The following SP3 variants were observed in gnomAD, a reference collection of about 807,000 sequenced individuals.
The protein encoded by SP3 is Sp3 transcription factor.
SP3 carries 10 observed loss-of-function variants against 70.3 expected under a neutral mutation model. The ratio of observed to expected loss-of-function variants is 0.14; its 90% CI spans 0.09 to 0.24. SP3 has a LOEUF of 0.24. Among genes scored for constraint, SP3 ranks in the 10% least tolerant of loss-of-function variants. SP3 has a pLI of 1.00. For missense variants in SP3, 825 were observed against 914.6 expected (o/e 0.90, Z 1.26); for synonymous variants, 402 against 333.5 (o/e 1.21, Z -2.24).
At chr2:173,934,650 G>C (rs1367770389) in intron 4 of SP3, among the ~76,000 whole-genome samples, 1 of 151,958 alleles carries the variant, frequency 6.6e-6, no homozygotes, top group East Asian at 1.9e-4. Context: ...ATTACCCAAG[G>C]CCAGGGGTTC....
intron 2 of SP3, 193 bp from the exon 3 acceptor site, chr2:173,964,076 C>A (rs1178084292): frequency 1.1e-5 from 4 of 354,772 alleles, no homozygotes; most frequent in Non-Finnish European, 2.0e-5. Context: ...GTCCCCCGCT[C>A]CAAGCACCCC....
chr2:173,918,516 A>T, intron 5 of SP3, 77 bp downstream of exon 5: 1 of 1,356,612 alleles, frequency 7.4e-7, no homozygotes, highest in Non-Finnish European at 1.0e-6. Flanking sequence ...TAATTAAATG[A>T]CATAGCATGC....
chr2:173,962,647 T>TA (rs554889189), intron 3 of SP3, among the ~76,000 whole-genome samples: 6,955 of 147,040 alleles, frequency 0.047, 214 homozygotes, highest in Admixed American at 0.11. Flanking sequence ...TGGTTTAACT[T>TA]AAAAAAAAAA....
intron 2 of SP3, 148 bp from the exon 3 acceptor site, chr2:173,964,031 C>G: frequency 2.5e-6 from 1 of 407,524 alleles, no homozygotes; most frequent in South Asian, 6.2e-5. Flanking sequence ...TCCTCCTCCT[C>G]CTCCTCCTGG....
chr2:173,964,872 C>T (rs1691241723), intron 1 of SP3: 3 of 495,464 alleles, frequency 6.1e-6, no homozygotes, highest in Admixed American at 4.3e-5. Flanking sequence ...CCTCTCGCAC[C>T]GTCAGTCACT....
chr2:173,943,203 T>A (rs1690428688), intron 4 of SP3, among the ~76,000 whole-genome samples: 1 of 152,202 alleles, frequency 6.6e-6, no homozygotes, highest in African/African-American at 2.4e-5. Context: ...GCCAATGTTT[T>A]CCTATGAGAC....
intron 5 of SP3, among the ~76,000 whole-genome samples, chr2:173,918,278 CTT>C (rs1326682505): frequency 2.0e-5 from 3 of 152,050 alleles, no homozygotes; most frequent in Non-Finnish European, 4.4e-5. Context: ...AAAAAATCAA[CTT>C]TTTATCTATA....
At chr2:173,938,459 CAAAAAAAAAA>C (rs747595137) in intron 4 of SP3, among the ~76,000 whole-genome samples, 19 of 46,384 alleles carry the variant, frequency 4.1e-4, no homozygotes, top group Admixed American at 3.5e-3. Context: ...AACTTTGCCT[CAAAAAAAAAA>C]AAAAAAAAAA....
Position 173,909,941 on chromosome 2 carries a change from T to C in SP3, c.2346A>G (p.Ter782=). Residue 782 remains the stop codon, a stop_retained_variant, in exon 7 of 7, where the codon TAA becomes TAG. Transcript: ENST00000310015. ...CAATGAATAAGTATTTGTGTAATAT[T>C]TACTCCATTGTCTCATTTCCAGAAA... ...VTVSGNETME[*] The C allele has an allele frequency of 6.2e-7, 1 of 1,609,506 alleles. No homozygotes were observed. Among genetic ancestry groups the C allele is most frequent in the Non-Finnish European group, 8.5e-7 (1 of 1,175,904 alleles).
rs918035442 is a variant in SP3, at chr2:173,906,533, T to TA, written c.*3407dup. On this transcript the variant is annotated 3_prime_UTR_variant, in exon 7 of 7. Transcript: ENST00000310015. ...ACGATTGTTACCAGCTTCATATAAT[T>TA]AAAACTGAAAACCAAATTGTGTAAC... 1 of 152,202 alleles carries TA rather than the reference T, an allele frequency of 6.6e-6. No individual in the cohort carries two copies. The highest frequency in any genetic ancestry group is 1.5e-5 in the Non-Finnish European group (1 of 68,024). 9.4% of individuals were successfully genotyped at this position (152,202 alleles called of 1,614,324 possible). A position where few individuals can be genotyped will look rare whatever the true frequency, so the allele number is the denominator to read the frequency against.
chr2:173,901,813 T>C lies in SP3; in HGVS notation c.*8128A>G, dbSNP rs1689195692. ...GCCTCCTGCGTTCAAGCGATTCTCG[T>C]GCCTCAGCCTCCCGAGTAGCTGGGA... On this transcript the variant is annotated 3_prime_UTR_variant, in exon 7 of 7. Transcript: ENST00000310015. Among the ~76,000 whole-genome samples the C allele has an allele frequency of 2.0e-5, 3 of 150,694 alleles. No homozygotes were observed. The highest frequency in any genetic ancestry group is 2.1e-4 in the South Asian group (1 of 4,740).
At chr2:173,934,143 C>T (rs893453118) in intron 4 of SP3, among the ~76,000 whole-genome samples, 15 of 151,646 alleles carry the variant, frequency 9.9e-5, no homozygotes, top group African/African-American at 3.4e-4. Context: ...AGGTGGCTAA[C>T]ACAGTAGGAT....
intron 2 of SP3, chr2:173,964,179 CCA>C (rs1691190324): frequency 2.2e-6 from 1 of 448,780 alleles, no homozygotes; most frequent in Admixed American, 4.5e-5. Context: ...ACGCTGGGGC[CCA>C]CACTCACACG....
In SP3 at chr2:173,921,045, A is replaced by G. The variant is rs1157653048; in HGVS notation, c.1640-2260T>C. ...TCTTGATCTGGGTGGTAGTTTTCCT[A>G]TGTGTTCATTTTGTAAAATTTCATC... On this transcript the variant is annotated intron_variant, in intron 4 of 6. Coordinates refer to ENST00000310015, the MANE Select transcript of SP3 (RefSeq NM_003111.5). Among the ~76,000 whole-genome samples, 3 of 152,068 alleles carry G rather than the reference A, an allele frequency of 2.0e-5. No individual in the cohort carries two copies. In the East Asian group the frequency reaches 5.8e-4, roughly 29 times the overall value.
At chr2:173,938,650 C>T (rs1690275825) in intron 4 of SP3, among the ~76,000 whole-genome samples, 1 of 151,382 alleles carries the variant, frequency 6.6e-6, no homozygotes, top group Admixed American at 6.6e-5. Context: ...TACATGTTAG[C>T]TATAATACAA....
intron 4 of SP3, among the ~76,000 whole-genome samples, chr2:173,949,186 T>G (rs1690634529): frequency 1.3e-5 from 2 of 152,176 alleles, no homozygotes; most frequent in African/African-American, 4.8e-5. Flanking sequence ...GGTTGGCCTT[T>G]TAGCAGTATT....
chr2:173,933,279 T>C (rs879379792), intron 4 of SP3, among the ~76,000 whole-genome samples: 2 of 152,102 alleles, frequency 1.3e-5, no homozygotes, highest in Non-Finnish European at 2.9e-5. Context: ...AACTTGAAAA[T>C]TCAATTTGTA....
At chr2:173,922,422 T>C (rs1329061230) in intron 4 of SP3, among the ~76,000 whole-genome samples, 2 of 151,940 alleles carry the variant, frequency 1.3e-5, no homozygotes, top group East Asian at 1.9e-4. Context: ...ATGAAAGTTC[T>C]GAATGCCTAT....
chr2:173,942,307 T>G (rs1035891418), intron 4 of SP3, among the ~76,000 whole-genome samples: 2 of 152,228 alleles, frequency 1.3e-5, no homozygotes, highest in African/African-American at 4.8e-5. Context: ...CCTGTAAGCC[T>G]GTAATCCCAG....
Sources: gnomAD v4.1 joint callset for allele counts (sites outside exome capture counted in the v4.1 genomes callset) on GRCh38, gnomAD v4.1.1 for gene constraint, MANE v1.5 for transcripts, NCBI Gene and HGNC (gene_info 2026-07-23, HGNC 2026-07-21) for gene names.